MCRIP1: variants seen among roughly 807,000 people sequenced by gnomAD.
The protein encoded by MCRIP1 is MAPK regulated corepressor interacting protein 1.
In MCRIP1, 10 loss-of-function variants were observed where a neutral mutation model predicts 14.4. The observed-to-expected ratio is 0.70, with a 90% confidence interval of 0.43 to 1.18. The LOEUF (loss-of-function observed/expected upper bound fraction) is 1.18, where lower values mean the gene tolerates loss of function less well. MCRIP1 is among the 50% of genes most tolerant of loss of function. The pLI is 0.00. For synonymous variants in MCRIP1, 53 were observed against 55.7 expected (o/e 0.95, Z 0.21); for missense variants, 119 against 135.4 (o/e 0.88, Z 0.60).
At chr17:81,824,255 G>C in intron 3 of MCRIP1, 32 bp downstream of exon 3, 2 of 1,491,486 alleles carry the variant, frequency 1.3e-6, no homozygotes, top group Non-Finnish European at 9.0e-7. Flanking sequence ...GTCAAGGACA[G>C]GGCAGGAGCT....
At chr17:81,827,905 C>A (rs1371050133) in intron 1 of MCRIP1, among the ~76,000 whole-genome samples, 1 of 150,848 alleles carries the variant, frequency 6.6e-6, no homozygotes, top group African/African-American at 2.4e-5. Flanking sequence ...CTCAGCCTCT[C>A]GAGTCGCTGG....
chr17:81,829,321 C>T (rs2038473855), intron 1 of MCRIP1, among the ~76,000 whole-genome samples: 1 of 152,190 alleles, frequency 6.6e-6, no homozygotes, highest in Admixed American at 6.5e-5. Flanking sequence ...GGTCTCGAGA[C>T]CCCATCCAGC....
At chr17:81,832,432 T>C (rs931775634) in intron 1 of MCRIP1, among the ~76,000 whole-genome samples, 3 of 152,094 alleles carry the variant, frequency 2.0e-5, no homozygotes, top group Non-Finnish European at 4.4e-5. Context: ...TCGCCCCAAA[T>C]CCAGCCCTGT....
At position 81,823,111 on chromosome 17, in the gene MCRIP1, G is replaced by A. The variant is rs191687206; in HGVS notation, c.*136C>T. The A allele has an allele frequency of 7.9e-4, 644 of 810,870 alleles. 6 individuals carry two copies. The East Asian group carries it at 0.014, about 18-fold the overall frequency. 50.2% of individuals were successfully genotyped at this position (810,870 alleles called of 1,614,324 possible). The stretch of plus-strand genomic sequence containing the variant: ...TGGGAAGGAGAGGCAGGCCTCAGCC[G>A]TCAGTCACGCCAGTGCTGGGATCTG... On this transcript the variant is annotated 3_prime_UTR_variant, in exon 5 of 5. Transcript: ENST00000455127. The surrounding 1 kb of genome is among the most constrained non-coding windows in gnomAD (Gnocchi z 6.0).
chr17:81,832,567 A>C (rs905362723), intron 1 of MCRIP1, among the ~76,000 whole-genome samples: 2 of 152,168 alleles, frequency 1.3e-5, no homozygotes, highest in African/African-American at 4.8e-5. Context: ...TCTCTGCCCA[A>C]AACTATCCTA....
chr17:81,833,014 C>T (rs2038551943), intron 1 of MCRIP1, among the ~76,000 whole-genome samples: 1 of 151,492 alleles, frequency 6.6e-6, no homozygotes, highest in Non-Finnish European at 1.5e-5. Flanking sequence ...CCGCGCCCTC[C>T]CCACGCGCGC....
In MCRIP1 at chr17:81,826,225, G is replaced by GCACACA. The variant is rs537758024; in HGVS notation, c.-48-1677_-48-1672dup. ...TTCCGGGGCTCCCTTTGCCTTGTGT[G>GCACACA]CACACACACACACACACACACACCT... On this transcript the variant is annotated intron_variant, in intron 1 of 4. Coordinates refer to ENST00000455127, the MANE Select transcript of MCRIP1 (RefSeq NM_207368.5). 5.6e-5 allele frequency: 78 copies of GCACACA among 1,381,284 alleles called. No individual in the cohort carries two copies. In the African/African-American group the frequency reaches 9.3e-4, roughly 16 times the overall value. 85.6% of individuals were successfully genotyped at this position (1,381,284 alleles called of 1,614,324 possible).
In MCRIP1 at chr17:81,823,055, C is replaced by A; in HGVS notation, c.*192G>T. 1.6e-6 allele frequency: 1 copy of A among 638,266 alleles called. No homozygotes were observed. Among genetic ancestry groups the A allele is most frequent in the Non-Finnish European group, 2.8e-6 (1 of 360,956 alleles). 39.5% of individuals were successfully genotyped at this position (638,266 alleles called of 1,614,324 possible). On this transcript the variant is annotated 3_prime_UTR_variant, in exon 5 of 5. Coordinates refer to ENST00000455127, the MANE Select transcript of MCRIP1 (RefSeq NM_207368.5). The surrounding 1 kb of genome is among the most constrained non-coding windows in gnomAD (Gnocchi z 6.0). ...CCCAGACCCCCATGATGGGGGCAGC[C>A]TGAGACCCCCAAGGATGAAGGAAGG...
intron 1 of MCRIP1, chr17:81,825,464 G>A (rs1185933185): frequency 3.3e-6 from 4 of 1,196,234 alleles, no homozygotes; most frequent in Non-Finnish European, 3.2e-6. Flanking sequence ...TCCCAGGAGG[G>A]GGCTTTGAGC....
At position 81,822,978 on chromosome 17, in the gene MCRIP1, A is replaced by C; in HGVS notation, c.*269T>G. 1 of 585,478 alleles carries C rather than the reference A, an allele frequency of 1.7e-6. No individual in the cohort carries two copies. Among genetic ancestry groups the C allele is most frequent in the Non-Finnish European group, 3.0e-6 (1 of 328,488 alleles). The allele number at this position is 585,478 out of a possible 1,614,324, so 36.3% of individuals were successfully genotyped here. On this transcript the variant is annotated 3_prime_UTR_variant, in exon 5 of 5. Coordinates refer to ENST00000455127, the MANE Select transcript of MCRIP1 (RefSeq NM_207368.5). Reference sequence around the variant, plus strand: ...AGGTCAGGGCCCCTGGGGGCCAGGCAGCTTCAAAAATGCAGCCAGGTGGCT... The same window carrying C: ...AGGTCAGGGCCCCTGGGGGCCAGGCCGCTTCAAAAATGCAGCCAGGTGGCT...
chr17:81,823,749 G>A lies in MCRIP1; in HGVS notation c.128-236C>T, dbSNP rs2038323732. On this transcript the variant is annotated intron_variant, in intron 3 of 4. Coordinates refer to ENST00000455127, the MANE Select transcript of MCRIP1 (RefSeq NM_207368.5). This position sits in a 1 kb window ranked among gnomAD's most constrained non-coding sequence, Gnocchi z 6.0. ...CAAGATGACCAGGACTGTGGTCAGA[G>A]GGACCCCTATGACCCTACCCCAGGC... 3.3e-6 allele frequency: 2 copies of A among 598,808 alleles called. No individual in the cohort carries two copies. Among genetic ancestry groups the A allele is most frequent in the Admixed American group, 3.0e-5 (1 of 33,832 alleles). 37.1% of individuals were successfully genotyped at this position (598,808 alleles called of 1,614,324 possible). A position where few individuals can be genotyped will look rare whatever the true frequency, so the allele number is the denominator to read the frequency against.
chr17:81,831,950 G>A (rs2038528833), intron 1 of MCRIP1, among the ~76,000 whole-genome samples: 1 of 152,062 alleles, frequency 6.6e-6, no homozygotes, highest in African/African-American at 2.4e-5. Flanking sequence ...GGGACCCAAG[G>A]GCTTTAGAGA....
intron 1 of MCRIP1, among the ~76,000 whole-genome samples, chr17:81,831,525 G>C (rs1367369400): frequency 6.6e-6 from 1 of 152,048 alleles, no homozygotes; most frequent in East Asian, 1.9e-4. Flanking sequence ...GCCCAGAAAA[G>C]CACTGGGGAC....
intron 1 of MCRIP1, chr17:81,825,451 G>C (rs1406837996): frequency 1.7e-6 from 2 of 1,194,226 alleles, no homozygotes; most frequent in African/African-American, 3.2e-5. Context: ...GGAGTCCCAG[G>C]ATTCCCAGGA....
intron 1 of MCRIP1, among the ~76,000 whole-genome samples, chr17:81,827,518 A>AC (rs1480133848): frequency 6.6e-6 from 1 of 151,228 alleles, no homozygotes; most frequent in African/African-American, 2.4e-5. Context: ...TGATCCACCC[A>AC]CCTGGGCCTC....
chr17:81,823,194 A>G lies in MCRIP1; in HGVS notation c.*53T>C, dbSNP rs1387462615. The G allele has an allele frequency of 6.6e-7, 1 of 1,506,700 alleles. No homozygotes were observed. The highest frequency in any genetic ancestry group is 2.0e-5 in the Admixed American group (1 of 50,918). The allele number at this position is 1,506,700 out of a possible 1,614,324, so 93.3% of individuals were successfully genotyped here. A position where few individuals can be genotyped will look rare whatever the true frequency, so the allele number is the denominator to read the frequency against. On this transcript the variant is annotated 3_prime_UTR_variant, in exon 5 of 5. Transcript: ENST00000455127. The surrounding 1 kb of genome is among the most constrained non-coding windows in gnomAD (Gnocchi z 6.0). ...GGGCAGGACCACAGGACAGGAGGGA[A>G]CCGACACCTCGCACCCTGATCTTCC...
intron 1 of MCRIP1, among the ~76,000 whole-genome samples, chr17:81,830,437 G>T (rs2038493856): frequency 6.6e-6 from 1 of 152,010 alleles, no homozygotes; most frequent in South Asian, 2.1e-4. Context: ...AGGAGTTCGA[G>T]ACCAGCCTGG....
intron 1 of MCRIP1, among the ~76,000 whole-genome samples, chr17:81,830,591 C>T (rs1007253116): frequency 2.0e-5 from 3 of 151,858 alleles, no homozygotes; most frequent in African/African-American, 7.3e-5. Context: ...GAGCCAAGAT[C>T]ACGCCATTGC....
At chr17:81,828,689 G>A (rs896133850) in intron 1 of MCRIP1, among the ~76,000 whole-genome samples, 1 of 152,190 alleles carries the variant, frequency 6.6e-6, no homozygotes, top group African/African-American at 2.4e-5. Flanking sequence ...CAGGACCTGA[G>A]GGGCCACAGA....
Sources: allele counts gnomAD v4.1 joint callset (sites outside exome capture counted in the v4.1 genomes callset), GRCh38; gene constraint gnomAD v4.1.1; non-coding constraint Gnocchi (gnomAD v3.1); transcripts MANE v1.5; gene names NCBI Gene and HGNC (gene_info 2026-07-23, HGNC 2026-07-21).